The following EPS8 variants were observed in gnomAD, a reference collection of about 807,000 sequenced individuals.
The protein encoded by EPS8 is EGFR pathway substrate 8, signaling adaptor.
EPS8 carries 42 observed loss-of-function variants against 103.8 expected under a neutral mutation model. That is an observed-to-expected ratio of 0.40 (90% confidence interval 0.32 to 0.52). The LOEUF is 0.52. EPS8 is among the 20% of genes least tolerant of loss of function. The probability of loss-of-function intolerance (pLI) is 0.40; values close to 1 mark genes in which losing one functional copy is unlikely to be tolerated. For synonymous variants in EPS8, 344 were observed against 344.6 expected, an observed-to-expected ratio of 1.00 and a Z score of 0.02; for missense variants, 969 against 1,005.1, an observed-to-expected ratio of 0.96 and a Z score of 0.49.
In EPS8 at chr12:15,735,489, T is replaced by C. The variant is rs1946759112; in HGVS notation, c.-21-52517A>G. ...TAATCCTTACAGTAACCCTAGGAAGTACTGAAAAAGCTAACATTCTAAGAT... is the reference window on the plus strand; with the variant it reads ...TAATCCTTACAGTAACCCTAGGAAGCACTGAAAAAGCTAACATTCTAAGAT... On this transcript the variant is annotated intron_variant, in intron 1 of 20. Transcript: ENST00000281172. This position sits in a 1 kb window ranked among gnomAD's most constrained non-coding sequence, Gnocchi z 4.4. 6.6e-6 allele frequency among the ~76,000 whole-genome samples: 1 copy of C among 152,190 alleles called. No individual in the cohort carries two copies.
chr12:15,747,775 C>T lies in EPS8; in HGVS notation c.-22+41386G>A, dbSNP rs549704523. Among the ~76,000 whole-genome samples the T allele has an allele frequency of 6.6e-6, 1 of 152,164 alleles. No homozygotes were observed. Among genetic ancestry groups the T allele is most frequent in the African/African-American group, 2.4e-5 (1 of 41,432 alleles). On this transcript the variant is annotated intron_variant, in intron 1 of 20. Coordinates refer to ENST00000281172, the MANE Select transcript of EPS8 (RefSeq NM_004447.6). The surrounding 1 kb of genome is among the most constrained non-coding windows in gnomAD (Gnocchi z 4.4). Reference sequence around the variant, plus strand: ...GTGGCTCACGCCTGTAATCCCAGCACTTTGGGAGGCCGAGGTGGGCGGATC... The same window carrying T: ...GTGGCTCACGCCTGTAATCCCAGCATTTTGGGAGGCCGAGGTGGGCGGATC...
chr12:15,707,638 T>A (rs1946404486), intron 1 of EPS8, among the ~76,000 whole-genome samples: 1 of 152,132 alleles, frequency 6.6e-6, no homozygotes, highest in Non-Finnish European at 1.5e-5. Flanking sequence ...TGCTCTTCCC[T>A]CTGATTTCTG....
intron 1 of EPS8, among the ~76,000 whole-genome samples, chr12:15,788,743 T>C (rs1361131293): frequency 1.3e-5 from 2 of 152,140 alleles, no homozygotes; most frequent in East Asian, 1.9e-4. Flanking sequence ...CCCTCCCCAT[T>C]TGAGGCGGGT....
intron 10 of EPS8, 45 bp downstream of exon 10, chr12:15,660,569 T>C (rs2135815203): frequency 3.1e-6 from 3 of 959,834 alleles, no homozygotes; most frequent in Non-Finnish European, 5.1e-6. Context: ...CAGCCAGTAC[T>C]GGAGATCTAA....
chr12:15,705,208 T>C (rs1946368477), intron 1 of EPS8, among the ~76,000 whole-genome samples: 2 of 152,326 alleles, frequency 1.3e-5, no homozygotes, highest in East Asian at 3.9e-4. Flanking sequence ...ATTTTTACCT[T>C]AGTCAAACAG....
At chr12:15,750,046 T>C (rs1946914989) in intron 1 of EPS8, among the ~76,000 whole-genome samples, 1 of 152,158 alleles carries the variant, frequency 6.6e-6, no homozygotes, top group African/African-American at 2.4e-5. Flanking sequence ...ACTCTATCTC[T>C]CTAAACCTGC....
chr12:15,742,755 T>C (rs1013044543), intron 1 of EPS8, among the ~76,000 whole-genome samples: 1 of 152,136 alleles, frequency 6.6e-6, no homozygotes, highest in African/African-American at 2.4e-5. Context: ...ATTGATTGGA[T>C]GTATCTCAAA....
intron 14 of EPS8, among the ~76,000 whole-genome samples, chr12:15,649,059 C>T (rs1013566535): frequency 3.3e-5 from 5 of 152,116 alleles, no homozygotes; most frequent in Non-Finnish European, 7.4e-5. Flanking sequence ...CATAAAATTC[C>T]CTGGAACTGC....
chr12:15,658,688 A>C, intron 10 of EPS8, 103 bp from the exon 11 acceptor site: 213 of 762,580 alleles, frequency 2.8e-4, no homozygotes, highest in Non-Finnish European at 3.7e-4. Context: ...TGAAGATCTC[A>C]TCAGACATGC....
At chr12:15,766,694 G>C (rs1591929682) in intron 1 of EPS8, among the ~76,000 whole-genome samples, 2 of 149,292 alleles carry the variant, frequency 1.3e-5, no homozygotes, top group South Asian at 4.2e-4. Flanking sequence ...AAAAAAAAAA[G>C]GAAAGTTTTA....
intron 1 of EPS8, among the ~76,000 whole-genome samples, chr12:15,719,267 T>G (rs1225237630): frequency 6.6e-6 from 1 of 152,122 alleles, no homozygotes; most frequent in Non-Finnish European, 1.5e-5. Context: ...GCAAGCAGCC[T>G]TGACAAGTCA....
In EPS8 at chr12:15,721,531, T is replaced by G. The variant is rs1178245693; in HGVS notation, c.-21-38559A>C. 1.3e-5 allele frequency among the ~76,000 whole-genome samples: 2 copies of G among 152,144 alleles called. No homozygotes were observed. The highest frequency in any genetic ancestry group is 2.9e-5 in the Non-Finnish European group (2 of 68,030). On this transcript the variant is annotated intron_variant, in intron 1 of 20. Transcript: ENST00000281172. The surrounding 1 kb of genome is among the most constrained non-coding windows in gnomAD (Gnocchi z 4.4). ...GTGAACCAATAGATAAAAAATTTCA[T>G]CTCCAAACCCCCAGGCAGCTCTCCA...
rs1223164832 is a variant in EPS8 at position 15,767,088 on chromosome 12, AAC to A, written c.-22+22071_-22+22072del. On this transcript the variant is annotated intron_variant, in intron 1 of 20. Coordinates refer to ENST00000281172, the MANE Select transcript of EPS8 (RefSeq NM_004447.6). This position sits in a 1 kb window ranked among gnomAD's most constrained non-coding sequence, Gnocchi z 5.5. ...ATGGAGACAAATAATGACAGCAACTAACAATGTGTGTGGGCCTGGCAAATAGC... is the reference window on the plus strand; with the variant it reads ...ATGGAGACAAATAATGACAGCAACTAAATGTGTGTGGGCCTGGCAAATAGC... Among the ~76,000 whole-genome samples, 1 of 152,180 alleles carries A rather than the reference AAC, an allele frequency of 6.6e-6. No homozygotes were observed. The highest frequency in any genetic ancestry group is 1.5e-5 in the Non-Finnish European group (1 of 68,036).
chr12:15,627,632 A>G (rs886665003), intron 18 of EPS8, among the ~76,000 whole-genome samples: 1 of 152,222 alleles, frequency 6.6e-6, no homozygotes, highest in Non-Finnish European at 1.5e-5. Flanking sequence ...GCTGTTTTAT[A>G]GCCAAAGTCA....
Position 15,761,200 on chromosome 12 carries a change from A to T in EPS8, c.-22+27961T>A, listed in dbSNP as rs1394152018. On this transcript the variant is annotated intron_variant, in intron 1 of 20. Coordinates refer to ENST00000281172, the MANE Select transcript of EPS8 (RefSeq NM_004447.6). This position sits in a 1 kb window ranked among gnomAD's most constrained non-coding sequence, Gnocchi z 4.5. Reference sequence around the variant, plus strand: ...GTAATCCCATTTACAACAGCCACACATAAAATTAAATACCTAGGAATTAAC... The same window carrying T: ...GTAATCCCATTTACAACAGCCACACTTAAAATTAAATACCTAGGAATTAAC... 6.6e-6 allele frequency among the ~76,000 whole-genome samples: 1 copy of T among 152,156 alleles called. No individual in the cohort carries two copies. The highest frequency in any genetic ancestry group is 6.6e-5 in the Admixed American group (1 of 15,262).
At chr12:15,667,604 G>A (rs1279350003) in intron 6 of EPS8, among the ~76,000 whole-genome samples, 1 of 151,874 alleles carries the variant, frequency 6.6e-6, no homozygotes. Flanking sequence ...CTTATACTGG[G>A]GCTATTATAT....
intron 12 of EPS8, among the ~76,000 whole-genome samples, chr12:15,656,575 G>A (rs1945511561): frequency 6.6e-6 from 1 of 152,112 alleles, no homozygotes. Flanking sequence ...AAAGAAGGAT[G>A]AGATTTATCC....
chr12:15,703,142 C>G (rs943987866), intron 1 of EPS8, among the ~76,000 whole-genome samples: 1 of 152,032 alleles, frequency 6.6e-6, no homozygotes, highest in Non-Finnish European at 1.5e-5. Flanking sequence ...AGCGAGACTC[C>G]GTCTCAAAAA....
At chr12:15,666,612 C>G in intron 6 of EPS8, 90 bp from the exon 7 acceptor site, 1 of 887,874 alleles carries the variant, frequency 1.1e-6, no homozygotes. Context: ...TGTTCCTTGT[C>G]TGAATCAGTA....
Sources: gnomAD v4.1 joint callset for allele counts (sites outside exome capture counted in the v4.1 genomes callset) on GRCh38, gnomAD v4.1.1 for gene constraint, Gnocchi (gnomAD v3.1) non-coding constraint, MANE v1.5 for transcripts, NCBI Gene and HGNC (gene_info 2026-07-23, HGNC 2026-07-21) for gene names.